Variants in ENOPH1 observed in about 807,000 individuals in gnomAD.
ENOPH1 encodes the protein enolase-phosphatase 1, also known as enolase-phosphatase E1.
Under a neutral mutation model 31.1 loss-of-function variants are expected in ENOPH1, and 14 were observed. The ratio of observed to expected loss-of-function variants is 0.45; its 90% CI spans 0.30 to 0.70. The LOEUF (loss-of-function observed/expected upper bound fraction) is 0.70. Ranked by LOEUF, ENOPH1 falls within the 30% of genes least tolerant of loss-of-function variation. ENOPH1 has a pLI of 0.09. For synonymous variants in ENOPH1, 127 were observed against 123.2 expected (o/e 1.03, Z -0.21); for missense variants, 243 against 321.5 (o/e 0.76, Z 1.87).
chr4:82,434,721 G>A (rs13125770), intron 1 of ENOPH1, among the ~76,000 whole-genome samples: 16,869 of 150,736 alleles, frequency 0.11, 1,135 homozygotes, highest in African/African-American at 0.19. Flanking sequence ...CTCAAAAAAA[G>A]AAAAGAAAAG....
At chr4:82,442,875 C>T (rs780012464) in intron 1 of ENOPH1, among the ~76,000 whole-genome samples, 3 of 152,146 alleles carry the variant, frequency 2.0e-5, no homozygotes, top group South Asian at 2.1e-4. Context: ...CCCAGGCTGG[C>T]GTGCAGTGGC....
At chr4:82,450,928 G>A (rs769798772) in intron 2 of ENOPH1, 115 bp from the exon 3 acceptor site, 112 of 725,948 alleles carry the variant, frequency 1.5e-4, no homozygotes, top group Non-Finnish European at 1.9e-4. Context: ...TCAATTTGCA[G>A]CCATACTAGG....
At chr4:82,439,497 A>C (rs1721988703) in intron 1 of ENOPH1, among the ~76,000 whole-genome samples, 1 of 152,216 alleles carries the variant, frequency 6.6e-6, no homozygotes, top group South Asian at 2.1e-4. Context: ...GAAGGTAATT[A>C]GATCCCTTTG....
chr4:82,460,335 A>T lies in ENOPH1; in HGVS notation c.*215A>T. 2.2e-6 allele frequency: 1 copy of T among 449,060 alleles called. No individual in the cohort carries two copies. The highest frequency in any genetic ancestry group is 3.9e-6 in the Non-Finnish European group (1 of 256,536). 27.8% of individuals were successfully genotyped at this position (449,060 alleles called of 1,614,324 possible). A position where few individuals can be genotyped will look rare whatever the true frequency, so the allele number is the denominator to read the frequency against. On this transcript the variant is annotated 3_prime_UTR_variant, in exon 6 of 6. Coordinates refer to ENST00000273920, the MANE Select transcript of ENOPH1 (RefSeq NM_021204.5). Reference sequence around the variant, plus strand: ...CAAAACTTATTTAAAGATGCTTTATATGTAGAAATTGTTTCAAATCATACT... The same window carrying T: ...CAAAACTTATTTAAAGATGCTTTATTTGTAGAAATTGTTTCAAATCATACT...
chr4:82,456,852 G>A, intron 4 of ENOPH1, 63 bp from the exon 5 acceptor site: 1 of 1,569,642 alleles, frequency 6.4e-7, no homozygotes, highest in African/African-American at 1.4e-5. Flanking sequence ...GTATTTCAGA[G>A]AAAGGCATGA....
intron 1 of ENOPH1, among the ~76,000 whole-genome samples, chr4:82,435,769 TG>T (rs1721889789): frequency 6.6e-6 from 1 of 152,228 alleles, no homozygotes; most frequent in Non-Finnish European, 1.5e-5. Context: ...AATGGCACAC[TG>T]GAAGCATTCT....
chr4:82,455,362 G>C (rs965613859), intron 4 of ENOPH1, among the ~76,000 whole-genome samples: 3 of 152,018 alleles, frequency 2.0e-5, no homozygotes. Flanking sequence ...CTACATTTAG[G>C]GTTTTAAAAA....
At chr4:82,433,453 A>G (rs1286507139) in intron 1 of ENOPH1, among the ~76,000 whole-genome samples, 1 of 152,208 alleles carries the variant, frequency 6.6e-6, no homozygotes, top group Non-Finnish European at 1.5e-5. Flanking sequence ...TCTTGTTTAA[A>G]GGATAATTTC....
chr4:82,443,094 C>T (rs374076143), intron 1 of ENOPH1, among the ~76,000 whole-genome samples: 195 of 152,224 alleles, frequency 1.3e-3, no homozygotes, highest in African/African-American at 4.5e-3. Context: ...GCGGAGCCAC[C>T]GCGCCCGGGC....
intron 1 of ENOPH1, among the ~76,000 whole-genome samples, chr4:82,445,264 G>C (rs185720714): frequency 6.6e-6 from 1 of 152,032 alleles, no homozygotes; most frequent in Non-Finnish European, 1.5e-5. Context: ...ATGTATGATA[G>C]TACATGCCAG....
At chr4:82,442,901 C>T (rs1396683615) in intron 1 of ENOPH1, among the ~76,000 whole-genome samples, 2 of 152,114 alleles carry the variant, frequency 1.3e-5, no homozygotes, top group African/African-American at 4.8e-5. Flanking sequence ...CTTGGCTTAC[C>T]GTGACCTTTT....
At chr4:82,452,029 C>A (rs1277281116) in intron 3 of ENOPH1, among the ~76,000 whole-genome samples, 1 of 151,954 alleles carries the variant, frequency 6.6e-6, no homozygotes, top group Non-Finnish European at 1.5e-5. Context: ...GATCTGCCTG[C>A]CTTGGACTCC....
chr4:82,444,667 CA>C (rs1722135917), intron 1 of ENOPH1, among the ~76,000 whole-genome samples: 1 of 152,166 alleles, frequency 6.6e-6, no homozygotes, highest in Admixed American at 6.5e-5. Context: ...CTGAGCTTTG[CA>C]GAGTAATATA....
intron 1 of ENOPH1, among the ~76,000 whole-genome samples, chr4:82,446,616 A>G (rs1185549099): frequency 6.8e-6 from 1 of 146,690 alleles, no homozygotes; most frequent in Non-Finnish European, 1.5e-5. Context: ...TTCCTAATGC[A>G]TGGATTACTG....
chr4:82,457,677 T>C (rs1002897827), intron 5 of ENOPH1, among the ~76,000 whole-genome samples: 6 of 152,192 alleles, frequency 3.9e-5, no homozygotes, highest in Non-Finnish European at 8.8e-5. Flanking sequence ...GGAGTTGTCA[T>C]GGGAAGGAGC....
intron 5 of ENOPH1, among the ~76,000 whole-genome samples, chr4:82,458,376 A>T (rs1394343329): frequency 6.6e-6 from 1 of 152,106 alleles, no homozygotes; most frequent in Middle Eastern, 3.2e-3. Flanking sequence ...CAGTAGTGGT[A>T]CACGCCTGTA....
At position 82,430,787 on chromosome 4, in the gene ENOPH1, C is replaced by T. The variant is rs772790558; in HGVS notation, c.-43C>T. On this transcript the variant is annotated 5_prime_UTR_variant, in exon 1 of 6. Transcript: ENST00000273920. Reference sequence around the variant, plus strand: ...AGCCGCAGCCGGCGCCGCCCTCCGCCCTCCCCAACAGCAGGCCGAGTCCCG... The same window carrying T: ...AGCCGCAGCCGGCGCCGCCCTCCGCTCTCCCCAACAGCAGGCCGAGTCCCG... 4.4e-6 allele frequency: 7 copies of T among 1,591,314 alleles called. No homozygotes were observed. Among genetic ancestry groups the T allele is most frequent in the Non-Finnish European group, 6.0e-6 (7 of 1,159,898 alleles).
At chr4:82,449,909 C>T (rs1176562308) in intron 2 of ENOPH1, among the ~76,000 whole-genome samples, 1 of 152,156 alleles carries the variant, frequency 6.6e-6, no homozygotes, top group Non-Finnish European at 1.5e-5. Flanking sequence ...CCCTCTTCTC[C>T]CCACCAGTCA....
chr4:82,433,765 A>C (rs1190169171), intron 1 of ENOPH1, among the ~76,000 whole-genome samples: 1 of 152,254 alleles, frequency 6.6e-6, no homozygotes, highest in Non-Finnish European at 1.5e-5. Context: ...TGAGATTTCA[A>C]GAGAGTGACA....
Sources: allele counts gnomAD v4.1 joint callset (sites outside exome capture counted in the v4.1 genomes callset), GRCh38; gene constraint gnomAD v4.1.1; transcripts MANE v1.5; gene names NCBI Gene and HGNC (gene_info 2026-07-23, HGNC 2026-07-21).